Variants in IGF1R observed in about 807,000 individuals in gnomAD.
The protein encoded by IGF1R is insulin-like growth factor 1 receptor.
IGF1R carries 44 observed loss-of-function variants against 144.6 expected under a neutral mutation model. The ratio of observed to expected loss-of-function variants is 0.30; its 90% CI spans 0.24 to 0.39. The LOEUF is 0.39. Ranked by LOEUF, IGF1R falls within the 10% of genes least tolerant of loss-of-function variation. IGF1R has a pLI of 1.00. For synonymous variants in IGF1R, 795 were observed against 722.8 expected (o/e 1.10, Z -1.60); for missense variants, 1,355 against 1,833.7 (o/e 0.74, Z 4.77).
intron 2 of IGF1R, among the ~76,000 whole-genome samples, chr15:98,873,015 A>G (rs1394786516): frequency 6.6e-6 from 1 of 152,190 alleles, no homozygotes; most frequent in African/African-American, 2.4e-5. Flanking sequence ...GACACTGTGT[A>G]CAGAGGAATG....
chr15:98,868,278 G>A (rs567930954), intron 2 of IGF1R, among the ~76,000 whole-genome samples: 1 of 119,880 alleles, frequency 8.3e-6, no homozygotes, highest in African/African-American at 3.1e-5. Context: ...AGTGAGCCAT[G>A]ATGGCACCAC....
In IGF1R at chr15:98,960,308, T is replaced by TTCTA. The variant is rs1205043488; in HGVS notation, c.*2870_*2873dup. Reference sequence around the variant, plus strand: ...TTTGTGTTGCTTTTTTTGTTTTGTTTTCTATCTTGGTTTCCACCAAGGTGT... The same window carrying TTCTA: ...TTTGTGTTGCTTTTTTTGTTTTGTTTTCTATCTATCTTGGTTTCCACCAAGGTGT... On this transcript the variant is annotated 3_prime_UTR_variant, in exon 21 of 21. Coordinates refer to ENST00000650285, the MANE Select transcript of IGF1R (RefSeq NM_000875.5). 1 of 233,180 alleles carries TTCTA rather than the reference T, an allele frequency of 4.3e-6. No individual in the cohort carries two copies. Among genetic ancestry groups the TTCTA allele is most frequent in the Non-Finnish European group, 8.5e-6 (1 of 118,022 alleles). The allele number at this position is 233,180 out of a possible 1,614,324, so 14.4% of individuals were successfully genotyped here.
intron 1 of IGF1R, among the ~76,000 whole-genome samples, chr15:98,662,328 A>T (rs1310023485): frequency 6.6e-6 from 1 of 151,998 alleles, no homozygotes; most frequent in East Asian, 1.9e-4. Context: ...TTGAACCCGG[A>T]CGTCTGAGTC....
chr15:98,801,363 A>G (rs2056360127), intron 2 of IGF1R, among the ~76,000 whole-genome samples: 1 of 152,128 alleles, frequency 6.6e-6, no homozygotes, highest in Non-Finnish European at 1.5e-5. Flanking sequence ...CCCTCCCTGC[A>G]CTGCTTCCTG....
chr15:98,799,252 G>A (rs908914912), intron 2 of IGF1R, among the ~76,000 whole-genome samples: 1 of 151,882 alleles, frequency 6.6e-6, no homozygotes, highest in African/African-American at 2.4e-5. Flanking sequence ...TCATGGATAT[G>A]TTTTCTCCAC....
intron 8 of IGF1R, among the ~76,000 whole-genome samples, chr15:98,915,262 T>G (rs573405610): frequency 6.6e-6 from 1 of 152,360 alleles, no homozygotes; most frequent in South Asian, 2.1e-4. Flanking sequence ...ATGCTTTGCC[T>G]ATAATCGGCA....
chr15:98,705,869 T>TGA (rs1310861808), intron 1 of IGF1R, among the ~76,000 whole-genome samples: 1 of 152,242 alleles, frequency 6.6e-6, no homozygotes. Flanking sequence ...TGATCCTTTA[T>TGA]GACTTGGGTG....
At chr15:98,778,629 C>G (rs1202368178) in intron 2 of IGF1R, among the ~76,000 whole-genome samples, 1 of 152,208 alleles carries the variant, frequency 6.6e-6, no homozygotes, top group Admixed American at 6.5e-5. Flanking sequence ...ATCCTGATTT[C>G]CCCTCCCTTG....
chr15:98,937,071 A>T (rs1428037122), intron 17 of IGF1R, among the ~76,000 whole-genome samples: 1 of 152,092 alleles, frequency 6.6e-6, no homozygotes, highest in Non-Finnish European at 1.5e-5. Flanking sequence ...TTTTTAGTAG[A>T]GACGGGGTTT....
intron 2 of IGF1R, among the ~76,000 whole-genome samples, chr15:98,720,923 G>A (rs1188834050): frequency 6.6e-6 from 1 of 152,202 alleles, no homozygotes; most frequent in Admixed American, 6.5e-5. Context: ...GCCATGGCCA[G>A]TGATTGATGT....
intron 2 of IGF1R, among the ~76,000 whole-genome samples, chr15:98,733,528 G>A (rs937591191): frequency 1.3e-5 from 2 of 151,074 alleles, no homozygotes; most frequent in African/African-American, 4.9e-5. Context: ...ATGTGGTCCA[G>A]ACGAGGCCAG....
intron 1 of IGF1R, among the ~76,000 whole-genome samples, chr15:98,691,591 T>G (rs1327357489): frequency 1.3e-5 from 2 of 152,104 alleles, no homozygotes; most frequent in African/African-American, 4.8e-5. Context: ...CTCGAACTCC[T>G]GACCTCGGGT....
chr15:98,764,117 C>T (rs1470974859), intron 2 of IGF1R, among the ~76,000 whole-genome samples: 1 of 152,236 alleles, frequency 6.6e-6, no homozygotes, highest in African/African-American at 2.4e-5. Context: ...GCATATTTAA[C>T]ACCTCATCTT....
chr15:98,878,692 A>AC (rs2013199905), intron 2 of IGF1R, among the ~76,000 whole-genome samples: 6 of 138,876 alleles, frequency 4.3e-5, no homozygotes, highest in African/African-American at 1.9e-4. Flanking sequence ...AAAAAAAAAA[A>AC]AAACAACAAC....
intron 2 of IGF1R, among the ~76,000 whole-genome samples, chr15:98,888,071 TC>T (rs1484254617): frequency 6.6e-6 from 1 of 152,132 alleles, no homozygotes; most frequent in Non-Finnish European, 1.5e-5. Flanking sequence ...TGTTCTTTAT[TC>T]CTCCCTTGCT....
chr15:98,963,135 T>A lies in IGF1R; in HGVS notation c.*5693T>A, dbSNP rs886051605. On this transcript the variant is annotated 3_prime_UTR_variant, in exon 21 of 21. Transcript: ENST00000650285. ...AAGAACAGAATAATTTTATAAAATGTTTGTAGTTTATAATTGCCGAAAATA... is the reference window on the plus strand; with the variant it reads ...AAGAACAGAATAATTTTATAAAATGATTGTAGTTTATAATTGCCGAAAATA... The A allele has an allele frequency of 4.3e-6, 1 of 233,514 alleles. No individual in the cohort carries two copies. The highest frequency in any genetic ancestry group is 2.2e-5 in the African/African-American group (1 of 45,316). The allele number at this position is 233,514 out of a possible 1,614,324, so 14.5% of individuals were successfully genotyped here. A position where few individuals can be genotyped will look rare whatever the true frequency, so the allele number is the denominator to read the frequency against.
intron 2 of IGF1R, among the ~76,000 whole-genome samples, chr15:98,768,474 G>C (rs1460900973): frequency 6.6e-6 from 1 of 150,848 alleles, no homozygotes; most frequent in Non-Finnish European, 1.5e-5. Flanking sequence ...AACTAGCTGG[G>C]CGTGGTGGTG....
chr15:98,909,251 C>CTTTTTTCTTTTTT (rs2014880573), intron 6 of IGF1R, among the ~76,000 whole-genome samples: 1 of 38,892 alleles, frequency 2.6e-5, no homozygotes, highest in African/African-American at 5.7e-5. Context: ...TCTTTTTTTT[C>CTTTTTTCTTTTTT]TTTTTTTTTC....
intron 2 of IGF1R, among the ~76,000 whole-genome samples, chr15:98,814,513 A>C (rs1309432025): frequency 6.6e-6 from 1 of 152,118 alleles, no homozygotes; most frequent in Admixed American, 6.6e-5. Context: ...TGCCCAGCTA[A>C]TTTTTAAATT....
Sources: allele counts gnomAD v4.1 joint callset (sites outside exome capture counted in the v4.1 genomes callset), GRCh38; gene constraint gnomAD v4.1.1; transcripts MANE v1.5; gene names NCBI Gene and HGNC (gene_info 2026-07-23, HGNC 2026-07-21).